C12orf42: variants seen among roughly 807,000 people sequenced by gnomAD.
C12orf42 encodes chromosome 12 open reading frame 42.
A neutral mutation model predicts 21.6 loss-of-function variants in C12orf42; 25 were observed. That is an observed-to-expected ratio of 1.16 (90% CI 0.84 to 1.62). C12orf42 has a LOEUF of 1.62. Ranked by LOEUF, C12orf42 falls within the 40% of genes most tolerant of loss-of-function variation. The pLI, the probability that C12orf42 is intolerant of heterozygous loss-of-function variation, is 0.00. For synonymous variants in C12orf42, 174 were observed against 175.0 expected (o/e 0.99, Z 0.05); for missense variants, 483 against 459.3 (o/e 1.05, Z -0.47).
intron 3 of C12orf42, among the ~76,000 whole-genome samples, chr12:103,399,886 G>T (rs2047849828): frequency 6.6e-6 from 1 of 151,940 alleles, no homozygotes; most frequent in African/African-American, 2.4e-5. Context: ...TGACATATAT[G>T]ATAGTATGTT....
chr12:103,158,144 C>A, the C12orf42 span, among the ~76,000 whole-genome samples: 5 of 152,256 alleles, frequency 3.3e-5, no homozygotes, highest in Non-Finnish European at 4.4e-5. Flanking sequence ...ACATCACAAG[C>A]ATTGCGTGGA....
the C12orf42 span, among the ~76,000 whole-genome samples, chr12:103,196,718 T>C: frequency 6.6e-6 from 1 of 152,180 alleles, no homozygotes; most frequent in East Asian, 1.9e-4. Flanking sequence ...AAGTCTGTTT[T>C]TTTTTCTGAA....
the C12orf42 span, among the ~76,000 whole-genome samples, chr12:103,501,023 T>A: frequency 1.3e-5 from 2 of 152,344 alleles, no homozygotes; most frequent in East Asian, 3.9e-4. Flanking sequence ...ATGCAGCTAT[T>A]CCAAAGTTGG....
chr12:103,364,826 T>C (rs937131065), intron 4 of C12orf42, among the ~76,000 whole-genome samples: 3 of 151,992 alleles, frequency 2.0e-5, no homozygotes, highest in Non-Finnish European at 1.5e-5. Flanking sequence ...AGCAGCGAGA[T>C]TGAAATTATA....
intron 4 of C12orf42, among the ~76,000 whole-genome samples, chr12:103,317,915 C>A (rs1374204067): frequency 6.6e-6 from 1 of 152,182 alleles, no homozygotes; most frequent in African/African-American, 2.4e-5. Context: ...CAGACCCACC[C>A]AATTTCATTA....
At chr12:103,155,592 G>C in the C12orf42 span, among the ~76,000 whole-genome samples, 1 of 151,230 alleles carries the variant, frequency 6.6e-6, no homozygotes. Flanking sequence ...GCTAATTCAG[G>C]TTATTTCTAA....
At chr12:103,130,338 T>C in the C12orf42 span, among the ~76,000 whole-genome samples, 2 of 150,526 alleles carry the variant, frequency 1.3e-5, no homozygotes, top group African/African-American at 4.9e-5. Flanking sequence ...GACCATATTC[T>C]AAAAATTCCA....
At chr12:103,190,537 G>T in the C12orf42 span, among the ~76,000 whole-genome samples, 3 of 152,126 alleles carry the variant, frequency 2.0e-5, no homozygotes, top group African/African-American at 7.2e-5. Flanking sequence ...AGCCTACAAA[G>T]AATGCTGAGG....
At chr12:103,422,662 T>C (rs2050010506) in intron 2 of C12orf42, among the ~76,000 whole-genome samples, 1 of 152,170 alleles carries the variant, frequency 6.6e-6, no homozygotes, top group South Asian at 2.1e-4. Flanking sequence ...CATAGAAATT[T>C]TTTAAAGCAA....
At chr12:103,237,305 G>A (rs762784236), downstream of C12orf42, among the ~76,000 whole-genome samples, 4 of 152,112 alleles carry the variant, frequency 2.6e-5, no homozygotes, top group Non-Finnish European at 4.4e-5. Context: ...GATTGAGGAT[G>A]GAAATGAAGA....
the C12orf42 span, among the ~76,000 whole-genome samples, chr12:103,520,524 TAACAACAACAAC>T: frequency 2.0e-5 from 3 of 149,840 alleles, no homozygotes; most frequent in Non-Finnish European, 4.4e-5. Context: ...CCTCTGCCCC[TAACAACAACAAC>T]AACAACAACA....
At chr12:103,357,215 G>A (rs2043663043) in intron 4 of C12orf42, among the ~76,000 whole-genome samples, 1 of 151,322 alleles carries the variant, frequency 6.6e-6, no homozygotes, top group South Asian at 2.1e-4. Context: ...GTTAATGGGT[G>A]CAGCACACCA....
At chr12:103,484,639 C>T (rs567487979) in intron 1 of C12orf42, among the ~76,000 whole-genome samples, 141 of 152,170 alleles carry the variant, frequency 9.3e-4, no homozygotes, top group African/African-American at 3.0e-3. Flanking sequence ...GTTTATTTTG[C>T]TGTGCAGAAG....
chr12:103,277,125 C>A (rs1017424291), intron 5 of C12orf42: 1 of 455,626 alleles, frequency 2.2e-6, no homozygotes, highest in Non-Finnish European at 4.4e-6. Flanking sequence ...CTTACGCTAG[C>A]AAAATCATAC....
At chr12:103,242,863 C>A (rs2033817468) in intron 10 of C12orf42, among the ~76,000 whole-genome samples, 1 of 152,142 alleles carries the variant, frequency 6.6e-6, no homozygotes, top group South Asian at 2.1e-4. Context: ...TAGATTTTCC[C>A]AGTGCATTGA....
the C12orf42 span, among the ~76,000 whole-genome samples, chr12:103,129,901 C>T: frequency 1.3e-5 from 2 of 152,174 alleles, no homozygotes; most frequent in African/African-American, 4.8e-5. Context: ...TCTCTGTCTT[C>T]CATATGTGTG....
chr12:103,303,395 C>G (rs2037942286), intron 5 of C12orf42, among the ~76,000 whole-genome samples: 1 of 151,416 alleles, frequency 6.6e-6, no homozygotes. Flanking sequence ...AAAATTCTGC[C>G]CATTGACCTA....
At chr12:103,484,877 T>G (rs1244609393) in intron 1 of C12orf42, among the ~76,000 whole-genome samples, 2 of 143,814 alleles carry the variant, frequency 1.4e-5, no homozygotes, top group Non-Finnish European at 3.0e-5. Context: ...TTTTTTTTTT[T>G]TTTTTTTTTT....
the C12orf42 span, chr12:103,504,994 G>A: frequency 2.1e-5 from 4 of 187,422 alleles, no homozygotes; most frequent in South Asian, 3.2e-4. Flanking sequence ...AGGCCTGGCT[G>A]GACCATGGGA....
Sources: allele counts gnomAD v4.1 joint callset (sites outside exome capture counted in the v4.1 genomes callset), GRCh38; gene constraint gnomAD v4.1.1; transcripts MANE v1.5; gene names NCBI Gene and HGNC (gene_info 2026-07-23, HGNC 2026-07-21).